Variants in CFAP221 observed in about 807,000 individuals in gnomAD.
CFAP221 encodes the protein cilia- and flagella-associated protein 221.
CFAP221 carries 97 observed loss-of-function variants against 113.1 expected under a neutral mutation model. That is an observed-to-expected ratio of 0.86 (90% CI 0.73 to 1.02). The LOEUF is 1.02. Among genes scored for constraint, CFAP221 ranks in the 50% least tolerant of loss-of-function variants. The pLI, the probability that CFAP221 is intolerant of heterozygous loss-of-function variation, is 0.00. For synonymous variants in CFAP221, 331 were observed against 354.4 expected (o/e 0.93, Z 0.74); for missense variants, 1,025 against 1,013.4 (o/e 1.01, Z -0.16).
intron 6 of CFAP221, among the ~76,000 whole-genome samples, chr2:119,566,106 GCAGGTAGGATGAGGAGCT>G (rs1378065578): frequency 2.0e-5 from 3 of 152,146 alleles, no homozygotes; most frequent in Non-Finnish European, 4.4e-5. Context: ...TCAGTTGGGG[GCAGGTAGGATGAGGAGCT>G]CAGGCACCAC....
Position 119,546,227 on chromosome 2 carries a change from G to T in CFAP221, c.96G>T (p.Glu32Asp). The T allele has an allele frequency of 6.5e-7, 1 of 1,535,488 alleles. No homozygotes were observed. Among genetic ancestry groups the T allele is most frequent in the Non-Finnish European group, 8.7e-7 (1 of 1,146,676 alleles). ...ATCTCTTGAAGAACCTAGTGGAGGA[G>T]CCGAAAAAAAGAAAAGAAGTACCTA... ...SPHLLKNLVE[E>D]PKKRKEVPNH... The change falls in exon 2 of 24, where the codon GAG becomes GAT. Residue 32 changes from glutamate (E) to aspartate (D), a missense_variant. Physicochemically the swap from Glu to Asp is conservative, Grantham distance 45. Transcript: ENST00000413369.
Position 119,625,569 on chromosome 2 carries a change from C to T in CFAP221, c.1411-14C>T, listed in dbSNP as rs1558973573. ...TGATTAATAATTTGAAATCATTATC[C>T]ACTCCAATTTCAGGTCATGATTCAG... On this transcript the variant is annotated splice_polypyrimidine_tract_variant and intron_variant, in intron 14 of 23. Transcript: ENST00000413369. 1 of 1,586,888 alleles carries T rather than the reference C, an allele frequency of 6.3e-7. No individual in the cohort carries two copies. Among genetic ancestry groups the T allele is most frequent in the Non-Finnish European group, 8.6e-7 (1 of 1,156,278 alleles).
At chr2:119,559,256 G>A (rs550199837) in intron 3 of CFAP221, among the ~76,000 whole-genome samples, 1 of 152,296 alleles carries the variant, frequency 6.6e-6, no homozygotes, top group South Asian at 2.1e-4. Context: ...CTGACTTTCT[G>A]ATGGTCTCAG....
At chr2:119,656,112 G>A in intron 23 of CFAP221, 1 of 459,680 alleles carries the variant, frequency 2.2e-6, no homozygotes, top group Non-Finnish European at 4.0e-6. Flanking sequence ...CAGGAAACAG[G>A]GGCTGTGGAT....
chr2:119,633,922 A>C (rs1262104709), intron 19 of CFAP221, among the ~76,000 whole-genome samples: 1 of 152,232 alleles, frequency 6.6e-6, no homozygotes, highest in Non-Finnish European at 1.5e-5. Flanking sequence ...GAGGTTCCTC[A>C]AAAAATTAAA....
chr2:119,646,293 A>G (rs1170177018), intron 21 of CFAP221, among the ~76,000 whole-genome samples: 3 of 152,184 alleles, frequency 2.0e-5, no homozygotes, highest in Non-Finnish European at 2.9e-5. Flanking sequence ...TTATAAAGAA[A>G]AGAGGTTTAA....
chr2:119,651,601 G>C (rs1013910612), intron 22 of CFAP221, among the ~76,000 whole-genome samples: 1 of 151,814 alleles, frequency 6.6e-6, no homozygotes, highest in Non-Finnish European at 1.5e-5. Context: ...TAATTCCATT[G>C]TGGAGAGAGA....
At chr2:119,628,270 T>TTTC (rs1558976599) in intron 16 of CFAP221, among the ~76,000 whole-genome samples, 2 of 142,560 alleles carry the variant, frequency 1.4e-5, no homozygotes, top group Non-Finnish European at 3.0e-5. Context: ...CACAACCCAC[T>TTTC]TCTCTCTCTC....
At chr2:119,636,154 C>T (rs974477970) in intron 19 of CFAP221, among the ~76,000 whole-genome samples, 3 of 152,144 alleles carry the variant, frequency 2.0e-5, no homozygotes, top group Non-Finnish European at 4.4e-5. Flanking sequence ...TAAGCCAAAC[C>T]CGTAATCCAA....
At chr2:119,638,554 C>T in intron 20 of CFAP221, 137 bp downstream of exon 20, 1 of 1,122,644 alleles carries the variant, frequency 8.9e-7, no homozygotes, top group African/African-American at 1.5e-5. Context: ...AACACCGCCC[C>T]TCATACCGCC....
intron 21 of CFAP221, among the ~76,000 whole-genome samples, chr2:119,646,075 A>C (rs1359764164): frequency 6.6e-6 from 1 of 152,212 alleles, no homozygotes; most frequent in African/African-American, 2.4e-5. Flanking sequence ...CAATTCCTTT[A>C]ACATTCTCAA....
intron 3 of CFAP221, among the ~76,000 whole-genome samples, chr2:119,553,992 C>T (rs781211956): frequency 6.6e-6 from 1 of 152,094 alleles, no homozygotes; most frequent in African/African-American, 2.4e-5. Flanking sequence ...CATACTGCTT[C>T]GATCAGACAT....
chr2:119,642,437 G>C (rs1687547842), intron 21 of CFAP221, among the ~76,000 whole-genome samples: 1 of 151,210 alleles, frequency 6.6e-6, no homozygotes, highest in African/African-American at 2.4e-5. Flanking sequence ...GGTGCCAGTA[G>C]ACTTGGTGTC....
chr2:119,658,405 A>G (rs757035058), downstream of CFAP221, among the ~76,000 whole-genome samples: 2 of 152,130 alleles, frequency 1.3e-5, no homozygotes, highest in Admixed American at 1.3e-4. Context: ...GCATCACAGT[A>G]TATTCCAGAC....
At chr2:119,577,522 T>G (rs1473209803) in intron 6 of CFAP221, among the ~76,000 whole-genome samples, 1 of 152,144 alleles carries the variant, frequency 6.6e-6, no homozygotes, top group African/African-American at 2.4e-5. Context: ...ATTAGAGACC[T>G]ACAAGAGGGG....
intron 22 of CFAP221, among the ~76,000 whole-genome samples, chr2:119,648,061 C>G (rs992471050): frequency 3.3e-5 from 5 of 152,302 alleles, no homozygotes; most frequent in African/African-American, 1.2e-4. Flanking sequence ...GATCCCAGGA[C>G]CCATCTCATG....
chr2:119,626,291 G>T (rs1196112663), intron 15 of CFAP221, among the ~76,000 whole-genome samples: 1 of 152,170 alleles, frequency 6.6e-6, no homozygotes, highest in Non-Finnish European at 1.5e-5. Flanking sequence ...TACCATGGAA[G>T]ATAACACATT....
chr2:119,639,884 T>C lies in CFAP221; in HGVS notation c.2225+12T>C. Reference sequence around the variant, plus strand: ...GAGACCACAAAGAGGTAAGCACAGCTCATCTGTTTGCTCACGAGTATGTGT... The same window carrying C: ...GAGACCACAAAGAGGTAAGCACAGCCCATCTGTTTGCTCACGAGTATGTGT... On this transcript the variant is annotated intron_variant, in intron 21 of 23. Transcript: ENST00000413369. 1 of 1,609,352 alleles carries C rather than the reference T, an allele frequency of 6.2e-7. No homozygotes were observed. Among genetic ancestry groups the C allele is most frequent in the South Asian group, 1.1e-5 (1 of 90,972 alleles).
At chr2:119,633,874 A>C (rs1686946472) in intron 19 of CFAP221, among the ~76,000 whole-genome samples, 1 of 152,248 alleles carries the variant, frequency 6.6e-6, no homozygotes, top group East Asian at 1.9e-4. Context: ...CTATTGGTAG[A>C]AATCCAAAAT....
Sources: allele counts gnomAD v4.1 joint callset (sites outside exome capture counted in the v4.1 genomes callset), GRCh38; gene constraint gnomAD v4.1.1; transcripts MANE v1.5; gene names NCBI Gene and HGNC (gene_info 2026-07-23, HGNC 2026-07-21).